Variants in ADGB observed in about 807,000 individuals in gnomAD.
The protein encoded by ADGB is calpain-7-like protein.
Under a neutral mutation model 210.5 loss-of-function variants are expected in ADGB, and 172 were observed. That is an observed-to-expected ratio of 0.82 (90% confidence interval 0.72 to 0.93). ADGB has a LOEUF of 0.93. Among genes scored for constraint, ADGB ranks in the 40% least tolerant of loss-of-function variants. The probability of loss-of-function intolerance (pLI) is 0.00; values close to 1 mark genes in which losing one functional copy is unlikely to be tolerated. For missense variants in ADGB, 2,025 were observed against 1,964.8 expected (o/e 1.03, Z -0.58); for synonymous variants, 658 against 662.7 (o/e 0.99, Z 0.11).
chr6:146,613,881 G>A (rs1312728394), intron 1 of ADGB, among the ~76,000 whole-genome samples: 1 of 151,278 alleles, frequency 6.6e-6, no homozygotes, highest in Non-Finnish European at 1.5e-5. Flanking sequence ...ATTAATAGCA[G>A]GTTTATAAAT....
chr6:146,676,225 C>T, intron 8 of ADGB, 88 bp from the exon 9 acceptor site: 2 of 1,213,734 alleles, frequency 1.6e-6, no homozygotes, highest in Non-Finnish European at 2.2e-6. Context: ...ATTATTTTGG[C>T]CTTTTTTCTT....
At chr6:146,678,213 T>C (rs1776109446) in intron 9 of ADGB, among the ~76,000 whole-genome samples, 1 of 152,050 alleles carries the variant, frequency 6.6e-6, no homozygotes, top group Non-Finnish European at 1.5e-5. Context: ...TAACATGACA[T>C]TTATATTGTT....
At chr6:146,672,082 C>T (rs1583583573) in intron 7 of ADGB, 138 bp from the exon 8 acceptor site, 10 of 1,174,508 alleles carry the variant, frequency 8.5e-6, no homozygotes, top group Non-Finnish European at 1.0e-5. Flanking sequence ...TAATGCTGTT[C>T]TTTTAACTAA....
intron 1 of ADGB, among the ~76,000 whole-genome samples, chr6:146,603,031 T>A (rs1416370165): frequency 6.6e-6 from 1 of 152,166 alleles, no homozygotes; most frequent in African/African-American, 2.4e-5. Flanking sequence ...GTTCTGTTAC[T>A]TTTCTTATGA....
At position 146,648,673 on chromosome 6, in the gene ADGB, C is replaced by A. The variant is rs555943960; in HGVS notation, c.330+3808C>A. Among the ~76,000 whole-genome samples the A allele has an allele frequency of 2.6e-5, 4 of 152,056 alleles. No individual in the cohort carries two copies. In the East Asian group the frequency reaches 7.8e-4, roughly 30 times the overall value. On this transcript the variant is annotated intron_variant, in intron 3 of 35. Coordinates refer to ENST00000397944, the MANE Select transcript of ADGB (RefSeq NM_024694.4). ...CAATCACCTTCCAATGGACTGCTCCCCCGACGTTTGGAATTACAATTCAAC... is the reference window on the plus strand; with the variant it reads ...CAATCACCTTCCAATGGACTGCTCCACCGACGTTTGGAATTACAATTCAAC...
At chr6:146,706,686 T>A (rs1259678172) in intron 13 of ADGB, among the ~76,000 whole-genome samples, 1 of 152,132 alleles carries the variant, frequency 6.6e-6, no homozygotes, top group Non-Finnish European at 1.5e-5. Flanking sequence ...GTCATATAAT[T>A]ATACATAGTA....
chr6:146,681,349 G>A (rs1431053304), intron 9 of ADGB, among the ~76,000 whole-genome samples: 1 of 152,010 alleles, frequency 6.6e-6, no homozygotes, highest in African/African-American at 2.4e-5. Context: ...ATGAGTAAAA[G>A]CCCCCTGAGG....
chr6:146,620,681 T>C (rs1780875797), intron 1 of ADGB, among the ~76,000 whole-genome samples: 1 of 152,096 alleles, frequency 6.6e-6, no homozygotes, highest in African/African-American at 2.4e-5. Flanking sequence ...TCTCATTTTG[T>C]TTTTAGATTG....
chr6:146,718,346 C>CA (rs34547633), intron 16 of ADGB, among the ~76,000 whole-genome samples: 20,129 of 80,048 alleles, frequency 0.25, 2,485 homozygotes, highest in South Asian at 0.39. Context: ...GATTCCATCT[C>CA]AAAAAAAAAA....
chr6:146,657,684 A>G (rs1382183354), intron 5 of ADGB, among the ~76,000 whole-genome samples: 1 of 152,158 alleles, frequency 6.6e-6, no homozygotes, highest in Non-Finnish European at 1.5e-5. Context: ...ATGTGGTATC[A>G]GGGTCATGGG....
chr6:146,728,250 T>C (rs2114579970), intron 19 of ADGB, among the ~76,000 whole-genome samples: 1 of 152,272 alleles, frequency 6.6e-6, no homozygotes, highest in Non-Finnish European at 1.5e-5. Context: ...TGTTCGTCAG[T>C]CCTCAAACTC....
chr6:146,623,359 AATTT>A (rs557635086), intron 1 of ADGB, among the ~76,000 whole-genome samples: 66 of 151,914 alleles, frequency 4.3e-4, no homozygotes, highest in Admixed American at 2.2e-3. Context: ...GAATTTAAGT[AATTT>A]ATTTAATTTC....
chr6:146,788,429 G>A lies in ADGB; in HGVS notation c.4356G>A (p.Lys1452=). 2 of 1,551,562 alleles carry A rather than the reference G, an allele frequency of 1.3e-6. No homozygotes were observed. Among genetic ancestry groups the A allele is most frequent in the Non-Finnish European group, 1.7e-6 (2 of 1,146,918 alleles). ...GTGGCGTAAAAGAACCAAACTCAAA[G>A]AATTCTGCAGGTTCAGAGAGCAAAG... is the stretch of plus-strand genomic sequence containing the variant. The part of the protein sequence containing the change: ...AARGVKEPNS[K]NSAGSESKEM... Residue 1452 remains lysine (K), a synonymous_variant, in exon 33 of 36, where the codon AAG becomes AAA. Coordinates refer to ENST00000397944, the MANE Select transcript of ADGB (RefSeq NM_024694.4).
At chr6:146,624,213 T>C (rs1780939694) in intron 1 of ADGB, among the ~76,000 whole-genome samples, 1 of 151,808 alleles carries the variant, frequency 6.6e-6, no homozygotes, top group Non-Finnish European at 1.5e-5. Flanking sequence ...GAGTTTTCTT[T>C]GTGGAAAGAT....
intron 35 of ADGB, chr6:146,803,888 C>A: frequency 3.0e-6 from 1 of 330,068 alleles, no homozygotes; most frequent in East Asian, 5.0e-5. Context: ...TCTTAACAAG[C>A]CAATTAGCTC....
At chr6:146,723,624 G>C (rs1048143449) in intron 17 of ADGB, among the ~76,000 whole-genome samples, 1 of 152,006 alleles carries the variant, frequency 6.6e-6, no homozygotes, top group African/African-American at 2.4e-5. Context: ...GTAATCCCCG[G>C]TACTCCAGAG....
chr6:146,731,200 G>C (rs979336873), intron 20 of ADGB, among the ~76,000 whole-genome samples: 1 of 152,124 alleles, frequency 6.6e-6, no homozygotes, highest in Non-Finnish European at 1.5e-5. Context: ...CTCACCTACA[G>C]CATGAGAGTA....
chr6:146,722,483 G>A (rs530998067), intron 17 of ADGB, among the ~76,000 whole-genome samples: 14 of 152,272 alleles, frequency 9.2e-5, no homozygotes, highest in African/African-American at 3.4e-4. Context: ...AGTTTCAAGA[G>A]AGCAGCTGAA....
chr6:146,604,622 T>A (rs949936779), intron 1 of ADGB, among the ~76,000 whole-genome samples: 1 of 152,186 alleles, frequency 6.6e-6, no homozygotes. Context: ...GATAGCTTAT[T>A]CTTTATGCTT....
Sources: allele counts gnomAD v4.1 joint callset (sites outside exome capture counted in the v4.1 genomes callset), GRCh38; gene constraint gnomAD v4.1.1; transcripts MANE v1.5; gene names NCBI Gene and HGNC (gene_info 2026-07-23, HGNC 2026-07-21).